The following FHOD1 variants were observed in gnomAD, a reference collection of about 807,000 sequenced individuals.
The protein encoded by FHOD1 is FH1/FH2 domain-containing protein 1.
Under a neutral mutation model 111.6 loss-of-function variants are expected in FHOD1, and 89 were observed. The ratio of observed to expected loss-of-function variants is 0.80; its 90% confidence interval spans 0.67 to 0.95. FHOD1 has a LOEUF of 0.95. Ranked by LOEUF, FHOD1 falls within the 40% of genes least tolerant of loss-of-function variation. The pLI, the probability that FHOD1 is intolerant of heterozygous loss-of-function variation, is 0.00. For synonymous variants in FHOD1, 618 were observed against 639.0 expected (o/e 0.97, Z 0.50); for missense variants, 1,446 against 1,554.2 (o/e 0.93, Z 1.17).
intron 11 of FHOD1, chr16:67,235,964 T>C: frequency 1.1e-6 from 1 of 892,448 alleles, no homozygotes; most frequent in South Asian, 5.2e-5. Flanking sequence ...GGGGAAGCAA[T>C]GCTGAAGCCC....
In FHOD1 at chr16:67,237,234, C is replaced by T. The variant is rs765262740; in HGVS notation, c.993+5G>A. The T allele has an allele frequency of 6.2e-7, 1 of 1,612,180 alleles. No individual in the cohort carries two copies. The highest frequency in any genetic ancestry group is 8.5e-7 in the Non-Finnish European group (1 of 1,178,916). Reference sequence around the variant, plus strand: ...ATCCGCCTCAGAGCGTAAGGCCCGGCCCACCTCGTAGAGCACAAGCTGCGT... The same window carrying T: ...ATCCGCCTCAGAGCGTAAGGCCCGGTCCACCTCGTAGAGCACAAGCTGCGT... On this transcript the variant is annotated splice_donor_5th_base_variant and intron_variant, in intron 9 of 21. Transcript: ENST00000258201. The surrounding 1 kb of genome is among the most constrained non-coding windows in gnomAD (Gnocchi z 5.6).
chr16:67,233,567 A>T, intron 13 of FHOD1, 90 bp downstream of exon 13: 1 of 1,462,750 alleles, frequency 6.8e-7, no homozygotes, highest in Non-Finnish European at 9.1e-7. Flanking sequence ...CCCATGTGGG[A>T]AGTGAGTGAC....
intron 11 of FHOD1, among the ~76,000 whole-genome samples, chr16:67,235,568 C>T (rs2034447652): frequency 6.7e-6 from 1 of 150,304 alleles, no homozygotes; most frequent in Admixed American, 6.6e-5. Context: ...ATGTGGTAAA[C>T]AGTGGACCCT....
At chr16:67,232,272 C>T in intron 13 of FHOD1, 78 bp from the exon 14 acceptor site, 2 of 1,485,614 alleles carry the variant, frequency 1.3e-6, no homozygotes, top group Non-Finnish European at 1.9e-6. Context: ...AATCCCAGCA[C>T]TTTGGGAGGC....
chr16:67,247,145 C>T (rs2034886477), intron 1 of FHOD1, 65 bp downstream of exon 1: 1 of 1,445,500 alleles, frequency 6.9e-7, no homozygotes, highest in African/African-American at 1.4e-5. Context: ...GAGCACCTCC[C>T]ACCAGTTTTC....
rs1460949007 is a variant in FHOD1 at position 67,233,803 on chromosome 16, G to C, written c.1900C>G (p.Leu634Val). 6.2e-7 allele frequency: 1 copy of C among 1,613,660 alleles called. No homozygotes were observed. The highest frequency in any genetic ancestry group is 1.7e-5 in the Admixed American group (1 of 59,976). Residue 634 changes from leucine (L) to valine (V), a missense_variant, in exon 13 of 22, where the codon CTG (leucine) becomes GTG (valine). Around this residue, in one of 3 missense-constraint regions of FHOD1, gnomAD observed 1,085 missense variants for 1,108.8 expected, o/e 0.98. Transcript: ENST00000258201. ...ACTCCATGGCCCCCAGCCAGCTTCA[G>C]CTCACGCCAGAAAAGTTTTACTGTC... ...RKTVKLFWRE[L>V]KLAGGHGVSA... is the part of the protein sequence containing the mutation.
At position 67,236,654 on chromosome 16, in the gene FHOD1, C is replaced by A. The variant is rs200846612; in HGVS notation, c.1222G>T (p.Val408Leu). 2.5e-6 allele frequency: 4 copies of A among 1,611,476 alleles called. No individual in the cohort carries two copies. In the East Asian group the frequency reaches 8.9e-5, roughly 36 times the overall value. ...ALLTGPASSP[V>L]GPPSGLQASV... ...GCTTGGAGACCGGAGGGAGGGCCCA[C>A]AGGGCTGGAGGCGGGGCCTGTCAGC... Residue 408 changes from valine to leucine, a missense_variant, in exon 11 of 22, where the codon GTG becomes TTG. Around this residue, in one of 3 missense-constraint regions of FHOD1, gnomAD observed 1,085 missense variants for 1,108.8 expected, o/e 0.98. Coordinates refer to ENST00000258201, the MANE Select transcript of FHOD1 (RefSeq NM_013241.3).
chr16:67,233,980 G>C lies in FHOD1; in HGVS notation c.1723C>G (p.Pro575Ala). The C allele has an allele frequency of 6.2e-7, 1 of 1,611,670 alleles. No homozygotes were observed. Reference protein sequence around the residue: ...AGKDIPAPSPPLPLLSGVPPP... With the variant: ...AGKDIPAPSPALPLLSGVPPP... ...GGTACTCCCGAGAGCAGGGGCAGTG[G>C]GGGTGAGGGAGCTGGGATGTCTTTC... The change falls in exon 13 of 22, where the codon CCA becomes GCA. Residue 575 changes from proline to alanine, a missense_variant. Transcript: ENST00000258201.
At position 67,232,211 on chromosome 16, in the gene FHOD1, A is replaced by G. The variant is rs1249655347; in HGVS notation, c.2047-17T>C. On this transcript the variant is annotated splice_polypyrimidine_tract_variant and intron_variant, in intron 13 of 21. Coordinates refer to ENST00000258201, the MANE Select transcript of FHOD1 (RefSeq NM_013241.3). Reference sequence around the variant, plus strand: ...TCCAGCTTTCTGCATGGTTGGGGGAAGGGCAGTGTAAGACTGAGGAAGGGG... The same window carrying G: ...TCCAGCTTTCTGCATGGTTGGGGGAGGGGCAGTGTAAGACTGAGGAAGGGG... 2 of 1,613,684 alleles carry G rather than the reference A, an allele frequency of 1.2e-6. No homozygotes were observed. The highest frequency in any genetic ancestry group is 1.3e-5 in the African/African-American group (1 of 74,900).
At chr16:67,247,027 T>TC (rs1370404114) in intron 1 of FHOD1, 183 bp downstream of exon 1, 2 of 650,084 alleles carry the variant, frequency 3.1e-6, no homozygotes, top group Non-Finnish European at 4.9e-6. Context: ...CTCTTCAGTT[T>TC]CCCCTCAACT....
At chr16:67,230,250 G>A (rs768810239) in intron 19 of FHOD1, 22 bp from the exon 20 acceptor site, 9 of 1,613,668 alleles carry the variant, frequency 5.6e-6, no homozygotes, top group South Asian at 1.1e-5. Context: ...AGAAGGGTGA[G>A]CTGGGAGGAG....
At position 67,239,393 on chromosome 16, in the gene FHOD1, AG is replaced by A; in HGVS notation, c.262del (p.Leu88TrpfsTer23). Reference protein sequence around the residue: ...SGYYLDTELSLEEQREMLEGF... With the variant: ...SGYYLDTELSXEEQREMLEGF... The stretch of plus-strand genomic sequence containing the variant: ...CTCCAGCATCTCCCGCTGCTCTTCC[AG>A]GGACAGCTCGGTGTCCAGGTAGTAT... On this transcript the variant is annotated frameshift_variant, in exon 2 of 22. Transcript: ENST00000258201. LOFTEE classifies it high-confidence loss of function. The A allele has an allele frequency of 6.2e-7, 1 of 1,614,190 alleles. No homozygotes were observed. The highest frequency in any genetic ancestry group is 8.5e-7 in the Non-Finnish European group (1 of 1,180,016).
Position 67,231,822 on chromosome 16 carries a change from G to A in FHOD1, c.2203-3C>T, listed in dbSNP as rs2034288080. Reference sequence around the variant, plus strand: ...GTGGGCATCATGGTCAGTAGCTTCTGAGGATGTAGCCAGAGCCTGACATGG... The same window carrying A: ...GTGGGCATCATGGTCAGTAGCTTCTAAGGATGTAGCCAGAGCCTGACATGG... On this transcript the variant is annotated splice_region_variant and splice_polypyrimidine_tract_variant and intron_variant, in intron 14 of 21. Coordinates refer to ENST00000258201, the MANE Select transcript of FHOD1 (RefSeq NM_013241.3). The surrounding 1 kb of genome is among the most constrained non-coding windows in gnomAD (Gnocchi z 4.3). 7 of 1,613,456 alleles carry A rather than the reference G, an allele frequency of 4.3e-6. No homozygotes were observed. The South Asian group carries it at 7.7e-5, about 18-fold the overall frequency.
In FHOD1 at chr16:67,231,872, T is replaced by C. The variant is rs769500535; in HGVS notation, c.2203-53A>G. On this transcript the variant is annotated intron_variant, in intron 14 of 21. Coordinates refer to ENST00000258201, the MANE Select transcript of FHOD1 (RefSeq NM_013241.3). The surrounding 1 kb of genome is among the most constrained non-coding windows in gnomAD (Gnocchi z 4.3). ...GCCCCCTCAATGCAGGCCTGAGGCCTGAGGCATTGGTCTTGACCCCTCAGT... is the reference window on the plus strand; with the variant it reads ...GCCCCCTCAATGCAGGCCTGAGGCCCGAGGCATTGGTCTTGACCCCTCAGT... The C allele has an allele frequency of 3.8e-6, 6 of 1,581,568 alleles. No homozygotes were observed. Among genetic ancestry groups the C allele is most frequent in the Middle Eastern group, 1.9e-4 (1 of 5,158 alleles).
chr16:67,244,374 G>T (rs2034750789), intron 1 of FHOD1, among the ~76,000 whole-genome samples: 1 of 152,096 alleles, frequency 6.6e-6, no homozygotes, highest in East Asian at 1.9e-4. Flanking sequence ...GCAAAGGCAG[G>T]TCTGGGCTGG....
chr16:67,238,686 G>A lies in FHOD1; in HGVS notation c.373+217C>T. 1.5e-6 allele frequency: 1 copy of A among 652,988 alleles called. No individual in the cohort carries two copies. The highest frequency in any genetic ancestry group is 1.8e-5 in the South Asian group (1 of 55,068). 40.4% of individuals were successfully genotyped at this position (652,988 alleles called of 1,614,324 possible). On this transcript the variant is annotated intron_variant, in intron 3 of 21. Coordinates refer to ENST00000258201, the MANE Select transcript of FHOD1 (RefSeq NM_013241.3). This position sits in a 1 kb window ranked among gnomAD's most constrained non-coding sequence, Gnocchi z 4.2. ...CCCACCTTGACCTCTCAAAGCACTG[G>A]CATTGGAGGCATGAGCTACCACGCC...
rs1370553292 is a variant in FHOD1 at position 67,239,422 on chromosome 16, G to A, written c.234C>T (p.Ser78=). 5.6e-6 allele frequency: 9 copies of A among 1,613,996 alleles called. No individual in the cohort carries two copies. The highest frequency in any genetic ancestry group is 1.6e-4 in the Middle Eastern group (1 of 6,084). ...ACAGCTCGGTGTCCAGGTAGTATCC[G>A]GAGGGAGACACTTGCAGAGCACAAT... ...LEDCALQVSP[S]GYYLDTELSL... The change falls in exon 2 of 22, where the codon TCC becomes TCT. Residue 78 remains serine (S), a synonymous_variant. Coordinates refer to ENST00000258201, the MANE Select transcript of FHOD1 (RefSeq NM_013241.3).
chr16:67,235,528 TCAAAAAAAAAAAAAA>T (rs966883954), intron 11 of FHOD1, among the ~76,000 whole-genome samples: 1 of 121,656 alleles, frequency 8.2e-6, no homozygotes, highest in Non-Finnish European at 1.6e-5. Flanking sequence ...AGACTCTGTC[TCAAAAAAAAAAAAAA>T]CAAAAAAAAA....
chr16:67,237,867 G>A lies in FHOD1; in HGVS notation c.643-99C>T. ...GGGCTGCTGGGGCTGGACCCAGAGAGAATCTAGGCAGAATGACCCTGGCCC... is the reference window on the plus strand; with the variant it reads ...GGGCTGCTGGGGCTGGACCCAGAGAAAATCTAGGCAGAATGACCCTGGCCC... On this transcript the variant is annotated intron_variant, in intron 6 of 21. Coordinates refer to ENST00000258201, the MANE Select transcript of FHOD1 (RefSeq NM_013241.3). The surrounding 1 kb of genome is among the most constrained non-coding windows in gnomAD (Gnocchi z 5.6). 1 of 1,363,246 alleles carries A rather than the reference G, an allele frequency of 7.3e-7. No homozygotes were observed. The highest frequency in any genetic ancestry group is 1.0e-6 in the Non-Finnish European group (1 of 960,752). The allele number at this position is 1,363,246 out of a possible 1,614,324, so 84.4% of individuals were successfully genotyped here. A position where few individuals can be genotyped will look rare whatever the true frequency, so the allele number is the denominator to read the frequency against.
Sources: allele counts gnomAD v4.1 joint callset (sites outside exome capture counted in the v4.1 genomes callset), GRCh38; gene constraint gnomAD v4.1.1; regional missense constraint gnomAD v4.1.1; non-coding constraint Gnocchi (gnomAD v3.1); transcripts MANE v1.5; gene names NCBI Gene and HGNC (gene_info 2026-07-23, HGNC 2026-07-21).